NBAS: variants seen among roughly 807,000 people sequenced by gnomAD.
NBAS encodes the protein NAG/BC035112 fusion.
A neutral mutation model predicts 302.5 loss-of-function variants in NBAS; 219 were observed. That is an observed-to-expected ratio of 0.72 (90% confidence interval 0.65 to 0.81). The LOEUF (loss-of-function observed/expected upper bound fraction) is 0.81. Among genes scored for constraint, NBAS ranks in the 30% least tolerant of loss-of-function variants. The probability of loss-of-function intolerance (pLI) is 0.00; values close to 1 mark genes in which losing one functional copy is unlikely to be tolerated. For synonymous variants in NBAS, 1,118 were observed against 1,021.6 expected (o/e 1.09, Z -1.80); for missense variants, 2,932 against 2,841.6 (o/e 1.03, Z -0.72).
chr2:15,116,417 G>C, the NBAS span, among the ~76,000 whole-genome samples: 2 of 151,938 alleles, frequency 1.3e-5, no homozygotes, highest in East Asian at 3.9e-4. Flanking sequence ...GGCAGAGAGA[G>C]AGAGAGAGAG....
the NBAS span, among the ~76,000 whole-genome samples, chr2:15,088,478 A>G: frequency 6.6e-6 from 1 of 152,150 alleles, no homozygotes; most frequent in Non-Finnish European, 1.5e-5. Context: ...AATGGCACTT[A>G]TTTCCTCTTC....
At chr2:14,795,318 T>C in the NBAS span, among the ~76,000 whole-genome samples, 1 of 152,184 alleles carries the variant, frequency 6.6e-6, no homozygotes, top group African/African-American at 2.4e-5. Flanking sequence ...TATCTCACGG[T>C]GACTTTAATT....
intron 51 of NBAS, among the ~76,000 whole-genome samples, chr2:15,171,065 T>C (rs1463310004): frequency 6.6e-6 from 1 of 152,252 alleles, no homozygotes; most frequent in East Asian, 1.9e-4. Context: ...AAAACTTTAG[T>C]ACTATCTGCC....
the NBAS span, among the ~76,000 whole-genome samples, chr2:15,136,844 C>A: frequency 6.6e-6 from 1 of 152,202 alleles, no homozygotes; most frequent in Non-Finnish European, 1.5e-5. Flanking sequence ...AAGTGTGCGG[C>A]AGTTCCTCCT....
At chr2:15,410,071 AC>A (rs1387534386) in intron 25 of NBAS, among the ~76,000 whole-genome samples, 2 of 152,138 alleles carry the variant, frequency 1.3e-5, no homozygotes, top group African/African-American at 4.8e-5. Context: ...CAGAATACAT[AC>A]CCAGGGAGTC....
intron 38 of NBAS, among the ~76,000 whole-genome samples, chr2:15,319,941 A>C (rs529279862): frequency 4.7e-4 from 72 of 152,184 alleles, no homozygotes; most frequent in Non-Finnish European, 6.9e-4. Context: ...GACACAACAA[A>C]AAAAAAAGAG....
At chr2:15,401,870 AAGT>A (rs1558306581) in intron 26 of NBAS, among the ~76,000 whole-genome samples, 1 of 152,152 alleles carries the variant, frequency 6.6e-6, no homozygotes, top group Non-Finnish European at 1.5e-5. Context: ...GACTTATAAA[AAGT>A]AGTTTTTGTG....
chr2:15,219,049 AC>A, intron 47 of NBAS, 81 bp from the exon 48 acceptor site: 6 of 1,514,684 alleles, frequency 4.0e-6, no homozygotes, highest in Non-Finnish European at 5.4e-6. Flanking sequence ...GTGGTCACTG[AC>A]CTAACACTTG....
At chr2:15,139,180 A>ACTTTTTTC in the NBAS span, among the ~76,000 whole-genome samples, 1 of 152,108 alleles carries the variant, frequency 6.6e-6, no homozygotes, top group Non-Finnish European at 1.5e-5. Context: ...TCTCCAATTT[A>ACTTTTTTC]CTTTTTTCCT....
chr2:15,010,480 T>C, the NBAS span, among the ~76,000 whole-genome samples: 1 of 151,970 alleles, frequency 6.6e-6, no homozygotes, highest in Non-Finnish European at 1.5e-5. Context: ...GTGTCAGGGA[T>C]ATCCTTTACC....
At chr2:15,383,375 T>C (rs1381041894) in intron 28 of NBAS, 58 bp from the exon 29 acceptor site, 2 of 1,520,808 alleles carry the variant, frequency 1.3e-6, no homozygotes, top group Non-Finnish European at 1.8e-6. Flanking sequence ...AAAATCTCTT[T>C]CTTCAAATGA....
chr2:15,289,841 C>CA (rs1467809132), intron 41 of NBAS, among the ~76,000 whole-genome samples: 3 of 151,916 alleles, frequency 2.0e-5, no homozygotes, highest in Non-Finnish European at 4.4e-5. Flanking sequence ...ACTGAAAATA[C>CA]AAAAAATTAG....
At chr2:15,134,056 T>TTCTTTCTCTCTCTCTCTC in the NBAS span, among the ~76,000 whole-genome samples, 1 of 145,664 alleles carries the variant, frequency 6.9e-6, no homozygotes, top group African/African-American at 2.5e-5. Context: ...GAACATTTCT[T>TTCTTTCTCTCTCTCTCTC]TCTCTCTCTC....
the NBAS span, among the ~76,000 whole-genome samples, chr2:15,020,430 C>T: frequency 2.4e-4 from 36 of 152,114 alleles, no homozygotes; most frequent in African/African-American, 8.2e-4. Flanking sequence ...AGGCAGAGGG[C>T]TGAAAGAAGC....
At chr2:15,037,964 G>A in the NBAS span, among the ~76,000 whole-genome samples, 5 of 152,092 alleles carry the variant, frequency 3.3e-5, no homozygotes, top group African/African-American at 9.6e-5. Flanking sequence ...CCGTCTGACT[G>A]TGGCCTGGTC....
intron 17 of NBAS, 50 bp from the exon 18 acceptor site, chr2:15,467,854 T>C (rs1679791557): frequency 7.0e-7 from 1 of 1,426,820 alleles, no homozygotes. Flanking sequence ...AAAAACTTCG[T>C]GTTGTGAAAA....
At chr2:14,881,902 C>A in the NBAS span, among the ~76,000 whole-genome samples, 2 of 152,092 alleles carry the variant, frequency 1.3e-5, no homozygotes, top group Non-Finnish European at 2.9e-5. Context: ...ACTGGGGAAC[C>A]TGCCAAAATG....
chr2:15,152,602 C>T, the NBAS span, among the ~76,000 whole-genome samples: 3 of 152,222 alleles, frequency 2.0e-5, no homozygotes, highest in Non-Finnish European at 2.9e-5. Flanking sequence ...CAGCCTGTGT[C>T]GGCATCCCAC....
At chr2:15,103,522 T>C in the NBAS span, among the ~76,000 whole-genome samples, 1 of 152,204 alleles carries the variant, frequency 6.6e-6, no homozygotes, top group African/African-American at 2.4e-5. Flanking sequence ...ATTTGGGTAA[T>C]GGTTCTTTTG....
Sources: gnomAD v4.1 joint callset for allele counts (sites outside exome capture counted in the v4.1 genomes callset) on GRCh38, gnomAD v4.1.1 for gene constraint, MANE v1.5 for transcripts, NCBI Gene and HGNC (gene_info 2026-07-23, HGNC 2026-07-21) for gene names.